The following MAGI2 variants were observed in gnomAD, a reference collection of about 807,000 sequenced individuals.
The protein encoded by MAGI2 is membrane associated guanylate kinase, WW and PDZ domain containing 2.
A neutral mutation model predicts 133.3 loss-of-function variants in MAGI2; 35 were observed. The ratio of observed to expected loss-of-function variants is 0.26; its 90% CI spans 0.20 to 0.35. MAGI2 has a LOEUF of 0.35. Ranked by LOEUF, MAGI2 falls within the 10% of genes least tolerant of loss-of-function variation. MAGI2 has a pLI of 1.00. For missense variants in MAGI2, 1,636 were observed against 1,863.4 expected, an observed-to-expected ratio of 0.88 and a Z score of 2.25; for synonymous variants, 729 against 710.6, an observed-to-expected ratio of 1.03 and a Z score of -0.41.
intron 2 of MAGI2, chr7:79,006,737 A>G (rs1035825543): frequency 5.9e-6 from 1 of 169,898 alleles, no homozygotes; most frequent in African/African-American, 2.4e-5. Context: ...CAACTAATAA[A>G]TTAAATTTGC....
chr7:78,757,832 C>G (rs1286740768), intron 2 of MAGI2, among the ~76,000 whole-genome samples: 3 of 152,120 alleles, frequency 2.0e-5, no homozygotes, highest in Non-Finnish European at 4.4e-5. Flanking sequence ...TTAGATGATG[C>G]CATTCATCTC....
At chr7:79,253,087 C>G (rs1196397045) in intron 1 of MAGI2, among the ~76,000 whole-genome samples, 1 of 152,126 alleles carries the variant, frequency 6.6e-6, no homozygotes, top group Non-Finnish European at 1.5e-5. Flanking sequence ...TTCTCTTATA[C>G]AAAAGAATCT....
At chr7:79,426,275 G>A (rs1229474989) in intron 1 of MAGI2, among the ~76,000 whole-genome samples, 1 of 152,092 alleles carries the variant, frequency 6.6e-6, no homozygotes, top group East Asian at 1.9e-4. Flanking sequence ...TCAGAAACAT[G>A]CTCTTGACTA....
In MAGI2 at chr7:78,063,285, A is replaced by C. The variant is rs1022024845; in HGVS notation, c.3706+15662T>G. ...GAGACAGGGTCCCACTCTGTCACCC[A>C]GGCTGGAGTACAGTGGTGCAATCAT... On this transcript the variant is annotated intron_variant, in intron 21 of 21. Transcript: ENST00000354212. 1.1e-4 allele frequency among the ~76,000 whole-genome samples: 16 copies of C among 152,222 alleles called. No individual in the cohort carries two copies. The South Asian group carries it at 3.1e-3, about 30-fold the overall frequency.
At chr7:78,299,885 T>C (rs951619964) in intron 9 of MAGI2, among the ~76,000 whole-genome samples, 3 of 152,172 alleles carry the variant, frequency 2.0e-5, no homozygotes, top group Non-Finnish European at 2.9e-5. Flanking sequence ...AAGAAGTATA[T>C]AAAAACATCA....
chr7:79,262,057 A>G (rs986368143), intron 1 of MAGI2, among the ~76,000 whole-genome samples: 2 of 152,190 alleles, frequency 1.3e-5, no homozygotes, highest in African/African-American at 4.8e-5. Context: ...AGTAGTATTT[A>G]TCAATCTTCA....
intron 6 of MAGI2, among the ~76,000 whole-genome samples, chr7:78,415,932 G>C (rs1798256879): frequency 6.6e-6 from 1 of 152,124 alleles, no homozygotes; most frequent in African/African-American, 2.4e-5. Flanking sequence ...AGGCATTATA[G>C]TTCCAAGATG....
chr7:78,512,432 G>A (rs1795682271), intron 4 of MAGI2, among the ~76,000 whole-genome samples: 1 of 152,202 alleles, frequency 6.6e-6, no homozygotes, highest in Admixed American at 6.5e-5. Context: ...TTGAGACAGA[G>A]TCTTGCTCCA....
At chr7:79,186,761 A>ATTTATACAAAAG (rs570721882) in intron 1 of MAGI2, among the ~76,000 whole-genome samples, 6,055 of 101,640 alleles carry the variant, frequency 0.06, 461 homozygotes, top group East Asian at 0.15. Context: ...GTATATATAT[A>ATTTATACAAAAG]TATATATATA....
chr7:79,328,579 C>G (rs1839860232), intron 1 of MAGI2, among the ~76,000 whole-genome samples: 1 of 152,292 alleles, frequency 6.6e-6, no homozygotes, highest in African/African-American at 2.4e-5. Context: ...GCAAATTCAG[C>G]TCCACAGACA....
chr7:78,806,929 G>A (rs946387257), intron 2 of MAGI2, among the ~76,000 whole-genome samples: 10 of 148,486 alleles, frequency 6.7e-5, no homozygotes, highest in South Asian at 6.4e-4. Context: ...AAATAAATTC[G>A]TAATGGTTCC....
At chr7:78,485,943 A>T (rs1227308744) in intron 6 of MAGI2, 2 of 152,080 alleles carry the variant, frequency 1.3e-5, no homozygotes, top group Non-Finnish European at 2.9e-5. Flanking sequence ...AATGTAAAAA[A>T]ATAAGCAGTT....
intron 3 of MAGI2, among the ~76,000 whole-genome samples, chr7:78,623,246 C>G (rs944572626): frequency 2.6e-5 from 4 of 151,870 alleles, no homozygotes; most frequent in Admixed American, 1.3e-4. Context: ...TCATGTTACT[C>G]TTTTAATGAT....
At chr7:79,357,679 T>C (rs1335836254) in intron 1 of MAGI2, among the ~76,000 whole-genome samples, 2 of 152,202 alleles carry the variant, frequency 1.3e-5, no homozygotes, top group Admixed American at 6.5e-5. Flanking sequence ...ATAAGTCATC[T>C]ATTTTGACTT....
chr7:79,337,375 G>A (rs540005919), intron 1 of MAGI2, among the ~76,000 whole-genome samples: 3 of 152,256 alleles, frequency 2.0e-5, no homozygotes, highest in Admixed American at 2.0e-4. Context: ...TGCTGCATTG[G>A]CCCTGCCAGG....
chr7:79,416,536 G>A (rs1846526793), intron 1 of MAGI2, among the ~76,000 whole-genome samples: 1 of 151,982 alleles, frequency 6.6e-6, no homozygotes, highest in Admixed American at 6.6e-5. Context: ...ACTTCTATGT[G>A]AGTGCTGTGT....
chr7:78,552,189 T>TC (rs1447105386), intron 3 of MAGI2, among the ~76,000 whole-genome samples: 7 of 146,292 alleles, frequency 4.8e-5, no homozygotes. Flanking sequence ...TTTTTTTTTT[T>TC]TTTTTTTTTT....
chr7:78,581,779 T>C (rs903371299), intron 3 of MAGI2, among the ~76,000 whole-genome samples: 5 of 152,140 alleles, frequency 3.3e-5, no homozygotes, highest in Non-Finnish European at 5.9e-5. Flanking sequence ...GGAAAACCTG[T>C]GCATTTTTTT....
intron 1 of MAGI2, among the ~76,000 whole-genome samples, chr7:79,207,544 G>A (rs1829157865): frequency 6.6e-6 from 1 of 151,762 alleles, no homozygotes; most frequent in African/African-American, 2.4e-5. Flanking sequence ...ATAAAATATT[G>A]CTGAAAGAAA....
Sources: allele counts gnomAD v4.1 joint callset (sites outside exome capture counted in the v4.1 genomes callset), GRCh38; gene constraint gnomAD v4.1.1; transcripts MANE v1.5; gene names NCBI Gene and HGNC (gene_info 2026-07-23, HGNC 2026-07-21).